The following ZNF487 variants were observed in gnomAD, a reference collection of about 807,000 sequenced individuals.
The protein encoded by ZNF487 is zinc finger protein 487.
In ZNF487, 4 loss-of-function variants were observed where a neutral mutation model predicts 3.0. The observed-to-expected ratio is 1.35, with a 90% CI of 0.66 to 3.08. The LOEUF (loss-of-function observed/expected upper bound fraction) is 3.08, where lower values mean the gene tolerates loss of function less well. Ranked by LOEUF, ZNF487 falls within the 30% of genes most tolerant of loss-of-function variation. The probability of loss-of-function intolerance (pLI) is 0.01; values close to 1 mark genes in which losing one functional copy is unlikely to be tolerated. For synonymous variants in ZNF487, 55 were observed against 34.6 expected, an observed-to-expected ratio of 1.59 and a Z score of -2.06; for missense variants, 146 against 98.7, an observed-to-expected ratio of 1.48 and a Z score of -2.03.
chr10:43,456,350 G>C (rs912436933), intron 1 of ZNF487, among the ~76,000 whole-genome samples: 1 of 152,156 alleles, frequency 6.6e-6, no homozygotes, highest in Admixed American at 6.6e-5. Context: ...TCACAGCAGC[G>C]GAAGACGAGG....
downstream of ZNF487, among the ~76,000 whole-genome samples, chr10:43,487,832 C>G (rs184987464): frequency 6.6e-6 from 1 of 151,364 alleles, no homozygotes; most frequent in East Asian, 2.0e-4. Flanking sequence ...CACCTGTATT[C>G]CCAGCATTTT....
intron 1 of ZNF487, chr10:43,452,046 C>G (rs1392486621): frequency 6.6e-6 from 1 of 152,222 alleles, no homozygotes; most frequent in African/African-American, 2.4e-5. Context: ...ATGCTCAATT[C>G]GAGTTTCACT....
intron 1 of ZNF487, among the ~76,000 whole-genome samples, chr10:43,448,647 C>T (rs907266587): frequency 6.6e-6 from 1 of 151,698 alleles, no homozygotes; most frequent in Non-Finnish European, 1.5e-5. Context: ...GAAACCCTGT[C>T]TCTACCAAAA....
chr10:43,519,089 AT>A, the ZNF487 span, among the ~76,000 whole-genome samples: 328 of 143,824 alleles, frequency 2.3e-3, 1 homozygote, highest in Admixed American at 2.7e-3. Flanking sequence ...TCTCTCAAAA[AT>A]TTTTTTTTTG....
chr10:43,498,221 G>A, the ZNF487 span, among the ~76,000 whole-genome samples: 4 of 107,870 alleles, frequency 3.7e-5, no homozygotes, highest in Non-Finnish European at 7.2e-5. Flanking sequence ...TCTGCCTCTC[G>A]GATTCAGCAT....
At chr10:43,504,293 C>CTTTTTT in the ZNF487 span, among the ~76,000 whole-genome samples, 820 of 108,902 alleles carry the variant, frequency 7.5e-3, 7 homozygotes, top group Non-Finnish European at 0.011. Context: ...TTCTTTCTTT[C>CTTTTTT]TTTTTTTTTT....
chr10:43,468,679 C>CA (rs71016773), intron 1 of ZNF487, among the ~76,000 whole-genome samples: 17,850 of 35,716 alleles, frequency 0.5, 5,057 homozygotes, highest in East Asian at 0.69. Flanking sequence ...AACTCTGTCT[C>CA]AAAAAAAAAA....
At chr10:43,452,858 C>T (rs1322711402) in intron 1 of ZNF487, 3 of 152,024 alleles carry the variant, frequency 2.0e-5, no homozygotes, top group East Asian at 3.8e-4. Context: ...ACATTTTATT[C>T]AGTAACCACT....
chr10:43,466,100 A>T (rs943540895), intron 1 of ZNF487, among the ~76,000 whole-genome samples: 3 of 151,868 alleles, frequency 2.0e-5, no homozygotes, highest in Non-Finnish European at 4.4e-5. Context: ...AAGCAGGAGA[A>T]TCAGGCAGGG....
At chr10:43,480,264 C>T (rs1244672473) in intron 3 of ZNF487, among the ~76,000 whole-genome samples, 3 of 151,328 alleles carry the variant, frequency 2.0e-5, no homozygotes, top group South Asian at 2.1e-4. Flanking sequence ...CGCACCACCA[C>T]ACCCAGCTCA....
the ZNF487 span, among the ~76,000 whole-genome samples, chr10:43,490,689 T>TAG: frequency 5.8e-4 from 86 of 148,570 alleles, no homozygotes; most frequent in African/African-American, 2.0e-3. Flanking sequence ...TTTTTTTTTT[T>TAG]TTGAGATGGA....
At chr10:43,498,112 T>C in the ZNF487 span, among the ~76,000 whole-genome samples, 4 of 10,854 alleles carry the variant, frequency 3.7e-4, no homozygotes, top group African/African-American at 1.1e-3. Context: ...TTTTTTTTTT[T>C]TCTTTTTTTT....
intron 2 of ZNF487, 50 bp from the exon 3 acceptor site, chr10:43,476,057 T>C (rs911573988): frequency 2.8e-6 from 2 of 711,598 alleles, no homozygotes; most frequent in African/African-American, 3.5e-5. Context: ...GGCACACCTT[T>C]GTCCTCCGCA....
At chr10:43,505,763 C>T in the ZNF487 span, among the ~76,000 whole-genome samples, 1 of 152,100 alleles carries the variant, frequency 6.6e-6, no homozygotes, top group African/African-American at 2.4e-5. Context: ...CTGCCTCAGC[C>T]TCCTGAGTAG....
chr10:43,439,601 G>T (rs959858381), intron 1 of ZNF487, among the ~76,000 whole-genome samples: 1 of 152,026 alleles, frequency 6.6e-6, no homozygotes, highest in Non-Finnish European at 1.5e-5. Flanking sequence ...TACTCAGGAA[G>T]CTGAGGCAGG....
At chr10:43,495,493 CT>C in the ZNF487 span, among the ~76,000 whole-genome samples, 1 of 152,136 alleles carries the variant, frequency 6.6e-6, no homozygotes, top group African/African-American at 2.4e-5. Context: ...ATTTGCCCGC[CT>C]GGGGCTCTCA....
intron 1 of ZNF487, among the ~76,000 whole-genome samples, chr10:43,438,993 G>T (rs992968542): frequency 6.6e-6 from 1 of 152,176 alleles, no homozygotes; most frequent in Admixed American, 6.6e-5. Flanking sequence ...TGTAGTCCCA[G>T]CACTTTGGGA....
At chr10:43,469,686 A>G (rs1564424125) in intron 1 of ZNF487, among the ~76,000 whole-genome samples, 1 of 152,004 alleles carries the variant, frequency 6.6e-6, no homozygotes, top group Non-Finnish European at 1.5e-5. Context: ...ATATGTCTGT[A>G]CACGGTGGCT....
downstream of ZNF487, among the ~76,000 whole-genome samples, chr10:43,486,514 G>C (rs1363288193): frequency 6.7e-6 from 1 of 149,416 alleles, no homozygotes; most frequent in African/African-American, 2.5e-5. Context: ...CAACAAGAGT[G>C]AAACTCCTTC....
Sources: gnomAD v4.1 joint callset for allele counts (sites outside exome capture counted in the v4.1 genomes callset) on GRCh38, gnomAD v4.1.1 for gene constraint, MANE v1.5 for transcripts, NCBI Gene and HGNC (gene_info 2026-07-23, HGNC 2026-07-21) for gene names.